The following DIP2A variants were observed in gnomAD, a reference collection of about 807,000 sequenced individuals.
DIP2A encodes the protein disco-interacting protein 2 homolog A.
In DIP2A, 85 loss-of-function variants were observed where a neutral mutation model predicts 177.4. That is an observed-to-expected ratio of 0.48 (90% CI 0.40 to 0.57). The LOEUF is 0.57. DIP2A is among the 20% of genes least tolerant of loss of function. DIP2A has a pLI of 0.00. For synonymous variants in DIP2A, 886 were observed against 881.8 expected (o/e 1.00, Z -0.08); for missense variants, 1,791 against 2,100.2 (o/e 0.85, Z 2.88).
At chr21:46,496,095 A>T (rs1215199744) in intron 3 of DIP2A, among the ~76,000 whole-genome samples, 1 of 151,780 alleles carries the variant, frequency 6.6e-6, no homozygotes, top group Non-Finnish European at 1.5e-5. Flanking sequence ...TTTTTTCAGA[A>T]ATGTGGTCTT....
intron 37 of DIP2A, 116 bp from the exon 38 acceptor site, chr21:46,567,254 T>C (rs2839337): frequency 0.32 from 459,300 of 1,437,310 alleles, 75,146 homozygotes; most frequent in African/African-American, 0.43. Flanking sequence ...TGGCCTTAAA[T>C]AGCTGTGTGA....
At position 46,459,105 on chromosome 21, in the gene DIP2A, T is replaced by A; in HGVS notation, c.-27T>A. 6.8e-7 allele frequency: 1 copy of A among 1,464,196 alleles called. No homozygotes were observed. Among genetic ancestry groups the A allele is most frequent in the Non-Finnish European group, 9.0e-7 (1 of 1,111,484 alleles). 90.7% of individuals were successfully genotyped at this position (1,464,196 alleles called of 1,614,324 possible). On this transcript the variant is annotated 5_prime_UTR_variant, in exon 1 of 38. Transcript: ENST00000417564. ...CGCCAGGCCCGGTCCGGTTCCAGCC[T>A]CTGCCCGGACGCTAGCCGGCCTGGC...
chr21:46,485,567 C>T (rs1268821643), intron 2 of DIP2A, among the ~76,000 whole-genome samples: 1 of 151,998 alleles, frequency 6.6e-6, no homozygotes, highest in African/African-American at 2.4e-5. Context: ...GTCTTTAAAG[C>T]CTTTAGAAAA....
chr21:46,545,958 G>T lies in DIP2A; in HGVS notation c.2391G>T (p.Gly797=). ...GGACAGGCCTGCTGGGCTTCATCGG[G>T]CCTGTGAGTATGTCCTCCTGTACCA... ...FTRTGLLGFI[G]PDNLVFIVGK... is the part of the protein sequence containing the mutation. Residue 797 remains glycine (G), a synonymous_variant, in exon 20 of 38, where the codon GGG becomes GGT. Coordinates refer to ENST00000417564, the MANE Select transcript of DIP2A (RefSeq NM_015151.4). The T allele has an allele frequency of 1.9e-6, 3 of 1,613,976 alleles. No homozygotes were observed. The Middle Eastern group carries it at 4.9e-4, about 266-fold the overall frequency.
intron 8 of DIP2A, among the ~76,000 whole-genome samples, chr21:46,515,000 A>G (rs1370873801): frequency 6.6e-6 from 1 of 152,190 alleles, no homozygotes; most frequent in Non-Finnish European, 1.5e-5. Context: ...CCACTTGGCC[A>G]TAATATCTTA....
chr21:46,530,444 G>T (rs527269075), intron 9 of DIP2A, among the ~76,000 whole-genome samples: 1 of 152,202 alleles, frequency 6.6e-6, no homozygotes, highest in South Asian at 2.1e-4. Flanking sequence ...AAGGAAGGGA[G>T]GAAAGAGGAA....
intron 1 of DIP2A, among the ~76,000 whole-genome samples, chr21:46,466,650 CTTTTTT>C (rs899497875): frequency 6.8e-6 from 1 of 146,400 alleles, no homozygotes; most frequent in Non-Finnish European, 1.5e-5. Flanking sequence ...CCGGCCACAA[CTTTTTT>C]TTTTTAAGAG....
chr21:46,468,781 A>G (rs978088738), intron 1 of DIP2A, among the ~76,000 whole-genome samples: 1 of 152,218 alleles, frequency 6.6e-6, no homozygotes, highest in Non-Finnish European at 1.5e-5. Context: ...TCACAGGGAT[A>G]TACTTACCTT....
At chr21:46,460,217 ATGGT>A (rs1334910714) in intron 1 of DIP2A, among the ~76,000 whole-genome samples, 1 of 152,198 alleles carries the variant, frequency 6.6e-6, no homozygotes. Context: ...AGTCGTATAA[ATGGT>A]TGGTTGATAA....
At chr21:46,543,616 G>A (rs956015246) in intron 18 of DIP2A, among the ~76,000 whole-genome samples, 4 of 152,234 alleles carry the variant, frequency 2.6e-5, no homozygotes, top group African/African-American at 9.6e-5. Flanking sequence ...ACCCCTTGTT[G>A]TGGGACTGAG....
In DIP2A at chr21:46,516,488, C is replaced by CCTTTTTTTTTTTTTTTTTTTT. The variant is rs2058579913; in HGVS notation, c.1102+4874_1102+4875insCTTTTTTTTTTTTTTTTTTTT. Among the ~76,000 whole-genome samples, 4 of 76,366 alleles carry CCTTTTTTTTTTTTTTTTTTTT rather than the reference C, an allele frequency of 5.2e-5. 2 individuals are homozygous for CCTTTTTTTTTTTTTTTTTTTT. The highest frequency in any genetic ancestry group is 1.8e-4 in the African/African-American group (4 of 22,494). The allele number at this position is 76,366 out of a possible 152,430, so 50.1% of individuals were successfully genotyped here. A position where few individuals can be genotyped will look rare whatever the true frequency, so the allele number is the denominator to read the frequency against. ...TCTTTAATCTTGTCTTCTGAAATTT[C>CCTTTTTTTTTTTTTTTTTTTT]TTTTTTTTTTTTTTTTTTTTTGAGA... On this transcript the variant is annotated intron_variant, in intron 8 of 37. Transcript: ENST00000417564.
At position 46,554,633 on chromosome 21, in the gene DIP2A, C is replaced by G. The variant is rs757490648; in HGVS notation, c.3213C>G (p.Thr1071=). The G allele has an allele frequency of 7.5e-6, 12 of 1,602,392 alleles. No individual in the cohort carries two copies. The Middle Eastern group carries it at 6.6e-4, about 88-fold the overall frequency. ...GCLYCGCVPV[T]VRPPHPQNLG... is the part of the protein sequence containing the mutation. Reference sequence around the variant, plus strand: ...TGTACTGTGGCTGCGTGCCTGTCACCGTGCGGCCCCCGCACCCTCAGAACC... The same window carrying G: ...TGTACTGTGGCTGCGTGCCTGTCACGGTGCGGCCCCCGCACCCTCAGAACC... Residue 1071 remains threonine, a synonymous_variant, in exon 27 of 38, where the codon ACC becomes ACG. Transcript: ENST00000417564.
At chr21:46,491,930 G>A (rs756575348) in intron 3 of DIP2A, among the ~76,000 whole-genome samples, 17 of 152,250 alleles carry the variant, frequency 1.1e-4, no homozygotes, top group Admixed American at 2.6e-4. Context: ...GCTGTGATTT[G>A]TCTTTGTGTT....
intron 1 of DIP2A, among the ~76,000 whole-genome samples, chr21:46,463,772 G>C (rs924198809): frequency 6.6e-6 from 1 of 150,962 alleles, no homozygotes; most frequent in Non-Finnish European, 1.5e-5. Context: ...TCAGTGGCGC[G>C]ATCTCGGCTC....
At chr21:46,546,865 C>G (rs1045274628) in intron 20 of DIP2A, 50 bp from the exon 21 acceptor site, 4 of 1,603,534 alleles carry the variant, frequency 2.5e-6, no homozygotes, top group Non-Finnish European at 2.6e-6. Flanking sequence ...CCTGGCGCAT[C>G]CAGCTTCTGC....
chr21:46,549,008 C>G (rs1423712171), intron 21 of DIP2A, among the ~76,000 whole-genome samples: 2 of 152,198 alleles, frequency 1.3e-5, no homozygotes, highest in Admixed American at 6.5e-5. Flanking sequence ...TTTTAACACA[C>G]AGAGGTCCGT....
chr21:46,459,746 A>AG (rs1306118531), intron 1 of DIP2A, among the ~76,000 whole-genome samples: 16 of 148,636 alleles, frequency 1.1e-4, no homozygotes, highest in African/African-American at 3.5e-4. Context: ...CAGGCCCTTC[A>AG]CACCTGGGAC....
At chr21:46,465,488 C>T (rs1483872464) in intron 1 of DIP2A, among the ~76,000 whole-genome samples, 2 of 152,124 alleles carry the variant, frequency 1.3e-5, no homozygotes, top group African/African-American at 2.4e-5. Context: ...GCAGGAGAAT[C>T]GCTCAAACCC....
At chr21:46,555,827 G>A (rs904128185) in intron 28 of DIP2A, 155 bp from the exon 29 acceptor site, 17 of 677,596 alleles carry the variant, frequency 2.5e-5, no homozygotes, top group Non-Finnish European at 3.5e-5. Flanking sequence ...TCCTGAGCAC[G>A]CACAGCCTGC....
Sources: allele counts gnomAD v4.1 joint callset (sites outside exome capture counted in the v4.1 genomes callset), GRCh38; gene constraint gnomAD v4.1.1; transcripts MANE v1.5; gene names NCBI Gene and HGNC (gene_info 2026-07-23, HGNC 2026-07-21).